The following CDH18 variants were observed in gnomAD, a reference collection of about 807,000 sequenced individuals.
The protein encoded by CDH18 is cadherin 18.
Under a neutral mutation model 67.9 loss-of-function variants are expected in CDH18, and 31 were observed. The observed-to-expected ratio is 0.46, with a 90% CI of 0.34 to 0.62. The LOEUF (loss-of-function observed/expected upper bound fraction) is 0.62. Ranked by LOEUF, CDH18 falls within the 20% of genes least tolerant of loss-of-function variation. The pLI, the probability that CDH18 is intolerant of heterozygous loss-of-function variation, is 0.01. For missense variants in CDH18, 890 were observed against 975.5 expected (o/e 0.91, Z 1.17); for synonymous variants, 362 against 347.2 (o/e 1.04, Z -0.48).
At chr5:20,178,069 A>C (rs1737381595) in intron 2 of CDH18, among the ~76,000 whole-genome samples, 1 of 152,148 alleles carries the variant, frequency 6.6e-6, no homozygotes, top group South Asian at 2.1e-4. Context: ...ATTAGAACAA[A>C]AAGGATGACT....
chr5:20,514,935 T>C (rs1194692981), intron 1 of CDH18, among the ~76,000 whole-genome samples: 1 of 152,086 alleles, frequency 6.6e-6, no homozygotes, highest in African/African-American at 2.4e-5. Context: ...ATCATGGCTA[T>C]TTCCTACTCC....
intron 2 of CDH18, among the ~76,000 whole-genome samples, chr5:19,960,587 GTGTATATATATATATACACACACGTGTA>G (rs1235008603): frequency 2.5e-5 from 3 of 118,368 alleles, no homozygotes; most frequent in African/African-American, 1.6e-4. Context: ...GTGTGTGTGT[GTGTATATATATATATACACACACGTGTA>G]TATATATACA....
chr5:20,389,974 T>C (rs369719410), intron 1 of CDH18, among the ~76,000 whole-genome samples: 6 of 152,272 alleles, frequency 3.9e-5, no homozygotes, highest in African/African-American at 1.2e-4. Context: ...TTACACCTTA[T>C]ACAAAAATTA....
At chr5:19,493,107 T>G (rs1451546769) in intron 11 of CDH18, among the ~76,000 whole-genome samples, 1 of 152,202 alleles carries the variant, frequency 6.6e-6, no homozygotes, top group Admixed American at 6.5e-5. Context: ...TCACTCTCCC[T>G]GGTGGAACAG....
intron 1 of CDH18, among the ~76,000 whole-genome samples, chr5:20,445,145 T>G (rs1489838966): frequency 3.3e-5 from 5 of 152,182 alleles, no homozygotes; most frequent in Admixed American, 1.3e-4. Flanking sequence ...CTAAACATAG[T>G]TGAGAATTTA....
At chr5:19,735,045 C>A (rs555983525) in intron 4 of CDH18, among the ~76,000 whole-genome samples, 1 of 152,104 alleles carries the variant, frequency 6.6e-6, no homozygotes, top group African/African-American at 2.4e-5. Context: ...GAGTCACTAC[C>A]CTCCATAACA....
At chr5:20,093,478 G>A (rs1745622272) in intron 2 of CDH18, among the ~76,000 whole-genome samples, 1 of 151,728 alleles carries the variant, frequency 6.6e-6, no homozygotes, top group Non-Finnish European at 1.5e-5. Flanking sequence ...TTTAATAATA[G>A]TTGCATTGTG....
At chr5:19,827,212 A>T (rs1209119221) in intron 3 of CDH18, among the ~76,000 whole-genome samples, 2 of 152,062 alleles carry the variant, frequency 1.3e-5, no homozygotes, top group Admixed American at 1.3e-4. Flanking sequence ...ACCAAACAGG[A>T]TGTCCCAAGT....
chr5:20,323,904 A>G (rs1179074572), intron 1 of CDH18, among the ~76,000 whole-genome samples: 3 of 152,216 alleles, frequency 2.0e-5, no homozygotes, highest in African/African-American at 4.8e-5. Flanking sequence ...CTGAAAGTTC[A>G]TAACAGAATA....
chr5:19,553,099 T>C (rs948710273), intron 8 of CDH18, among the ~76,000 whole-genome samples: 1 of 152,174 alleles, frequency 6.6e-6, no homozygotes, highest in African/African-American at 2.4e-5. Flanking sequence ...ACTCAAATAT[T>C]TTCTTCCACA....
intron 3 of CDH18, among the ~76,000 whole-genome samples, chr5:19,748,474 A>C (rs1251126665): frequency 1.3e-5 from 2 of 152,172 alleles, no homozygotes; most frequent in Non-Finnish European, 2.9e-5. Flanking sequence ...TGCCAGTGCT[A>C]TATTTCTAGC....
intron 1 of CDH18, among the ~76,000 whole-genome samples, chr5:20,479,007 T>A (rs1342830877): frequency 1.3e-5 from 2 of 152,148 alleles, no homozygotes; most frequent in Non-Finnish European, 2.9e-5. Flanking sequence ...ACCAGAGTGG[T>A]ATCTCTACAC....
At chr5:20,121,882 C>A (rs1338221106) in intron 2 of CDH18, among the ~76,000 whole-genome samples, 1 of 152,056 alleles carries the variant, frequency 6.6e-6, no homozygotes, top group Non-Finnish European at 1.5e-5. Context: ...ACCACAAAAA[C>A]GAAGGCTCAA....
intron 1 of CDH18, among the ~76,000 whole-genome samples, chr5:20,440,329 G>A (rs1478828774): frequency 6.6e-6 from 1 of 151,772 alleles, no homozygotes; most frequent in African/African-American, 2.4e-5. Context: ...ATGTACAGCA[G>A]GCAAGACAGA....
At chr5:20,161,689 C>G (rs1025317237) in intron 2 of CDH18, among the ~76,000 whole-genome samples, 6 of 152,216 alleles carry the variant, frequency 3.9e-5, no homozygotes, top group African/African-American at 1.4e-4. Flanking sequence ...TCTACTATCT[C>G]TCATTTATGT....
At chr5:20,337,406 A>C (rs1739877397) in intron 1 of CDH18, among the ~76,000 whole-genome samples, 1 of 152,064 alleles carries the variant, frequency 6.6e-6, no homozygotes, top group South Asian at 2.1e-4. Context: ...CATCCAAGTC[A>C]CCTCTAGAAT....
At chr5:20,049,068 C>A (rs549515261) in intron 2 of CDH18, among the ~76,000 whole-genome samples, 2 of 151,650 alleles carry the variant, frequency 1.3e-5, no homozygotes, top group African/African-American at 4.8e-5. Context: ...TTTATCGTAG[C>A]TGTAGTATAA....
intron 1 of CDH18, among the ~76,000 whole-genome samples, chr5:20,298,873 AC>A (rs1245579048): frequency 1.3e-5 from 2 of 152,208 alleles, no homozygotes; most frequent in Non-Finnish European, 2.9e-5. Flanking sequence ...AAGAAAAAAA[AC>A]ATTTGGATAA....
At chr5:20,213,444 C>A (rs1326969615) in intron 2 of CDH18, among the ~76,000 whole-genome samples, 1 of 152,072 alleles carries the variant, frequency 6.6e-6, no homozygotes, top group Non-Finnish European at 1.5e-5. Flanking sequence ...GGAATACTTT[C>A]AGTAGGAATG....
Sources: allele counts gnomAD v4.1 joint callset (sites outside exome capture counted in the v4.1 genomes callset), GRCh38; gene constraint gnomAD v4.1.1; transcripts MANE v1.5; gene names NCBI Gene and HGNC (gene_info 2026-07-23, HGNC 2026-07-21).